The following SPTB variants were observed in gnomAD, a reference collection of about 807,000 sequenced individuals.
SPTB encodes spectrin beta chain, erythrocytic.
A neutral mutation model predicts 256.2 loss-of-function variants in SPTB; 45 were observed. The observed-to-expected ratio is 0.18, with a 90% confidence interval of 0.14 to 0.23. The LOEUF is 0.23. SPTB is among the 10% of genes least tolerant of loss of function. SPTB has a pLI of 1.00. For synonymous variants in SPTB, 1,231 were observed against 1,243.1 expected (o/e 0.99, Z 0.21); for missense variants, 2,715 against 3,040.4 (o/e 0.89, Z 2.52).
chr14:64,771,024 C>T lies in SPTB; in HGVS notation c.5659G>A (p.Ala1887Thr). Reference protein sequence around the residue: ...KEQEVSAAWQALLDACAGRRT... With the variant: ...KEQEVSAAWQTLLDACAGRRT... The stretch of plus-strand genomic sequence containing the variant: ...CGCCCGGCACAGGCATCGAGCAGCG[C>T]CTGCCACGCGGCAGACACCTCCTGC... The change falls in exon 27 of 36, where the codon GCG (alanine) becomes ACG (threonine). Residue 1887 changes from alanine to threonine, a missense_variant. Ala to Thr is a moderately conservative substitution (Grantham distance 58, BLOSUM62 0). Coordinates refer to ENST00000644917, the MANE Select transcript of SPTB (RefSeq NM_001355436.2). 1 of 1,614,178 alleles carries T rather than the reference C, an allele frequency of 6.2e-7. No individual in the cohort carries two copies. Among genetic ancestry groups the T allele is most frequent in the Non-Finnish European group, 8.5e-7 (1 of 1,180,050 alleles).
rs565885364 is a variant in SPTB at position 64,765,025 on chromosome 14, C to CGTGTGTGTGTGTGTGTGT, written c.6345+1700_6345+1701insACACACACACACACACAC. 8.1e-3 allele frequency among the ~76,000 whole-genome samples: 962 copies of CGTGTGTGTGTGTGTGTGT among 118,288 alleles called. 8 individuals are homozygous for CGTGTGTGTGTGTGTGTGT. Among genetic ancestry groups the CGTGTGTGTGTGTGTGTGT allele is most frequent in the Non-Finnish European group, 0.012 (700 of 58,608 alleles). 77.6% of individuals were successfully genotyped at this position (118,288 alleles called of 152,430 possible). On this transcript the variant is annotated intron_variant, in intron 32 of 35. Coordinates refer to ENST00000644917, the MANE Select transcript of SPTB (RefSeq NM_001355436.2). ...GCTGGAGGCCACAGAGGAGTGTGTG[C>CGTGTGTGTGTGTGTGTGT]GTGTGTGTGTGTGTGTGCGCGCGCG...
chr14:64,849,828 A>T (rs1025543368), intron 1 of SPTB, among the ~76,000 whole-genome samples: 3 of 152,240 alleles, frequency 2.0e-5, no homozygotes, highest in Non-Finnish European at 4.4e-5. Flanking sequence ...AGCAAGGAGT[A>T]CCTGAGTGCT....
At chr14:64,763,455 G>T (rs1227518400) in intron 32 of SPTB, among the ~76,000 whole-genome samples, 1 of 152,238 alleles carries the variant, frequency 6.6e-6, no homozygotes, top group Non-Finnish European at 1.5e-5. Flanking sequence ...CCTGAGACCA[G>T]CCAGGTACCA....
intron 8 of SPTB, 127 bp downstream of exon 8, chr14:64,800,629 C>CT (rs530557580): frequency 8.4e-6 from 7 of 830,526 alleles, no homozygotes; most frequent in Non-Finnish European, 1.2e-5. Flanking sequence ...CCAAGGTCAG[C>CT]TTTAGAGGAA....
chr14:64,822,370 T>TCACACACACACACACACA (rs2083305230), intron 2 of SPTB, among the ~76,000 whole-genome samples: 14 of 1,450 alleles, frequency 9.7e-3, no homozygotes, highest in Non-Finnish European at 0.022. Flanking sequence ...TCTCTCTCTC[T>TCACACACACACACACACA]CTCTCACACA....
In SPTB at chr14:64,784,362, G is replaced by A; in HGVS notation, c.3887C>T (p.Thr1296Ile). The change falls in exon 19 of 36, where the codon ACA becomes ATA. Residue 1296 changes from threonine to isoleucine, a missense_variant. Thr to Ile is a moderately conservative substitution (Grantham distance 89). Around this residue, in one of 4 missense-constraint regions of SPTB, gnomAD observed 2,239 missense variants for 2,384.4 expected, o/e 0.94. Coordinates refer to ENST00000644917, the MANE Select transcript of SPTB (RefSeq NM_001355436.2). ...TTCATCATAGGAGACATCCTGAGAT[G>A]TCAGCAGCTTGTCGTTGATCCAGAG... ...LTLWINDKLL[T>I]SQDVSYDEAR... The A allele has an allele frequency of 6.2e-7, 1 of 1,614,242 alleles. No homozygotes were observed. The highest frequency in any genetic ancestry group is 8.5e-7 in the Non-Finnish European group (1 of 1,180,046).
At chr14:64,838,230 C>T (rs1424338400) in intron 1 of SPTB, among the ~76,000 whole-genome samples, 1 of 152,088 alleles carries the variant, frequency 6.6e-6, no homozygotes. Flanking sequence ...TGAACCTTGA[C>T]CCATACCACA....
In SPTB at chr14:64,793,933, T is replaced by C; in HGVS notation, c.1796-66A>G. On this transcript the variant is annotated intron_variant, in intron 13 of 35. Coordinates refer to ENST00000644917, the MANE Select transcript of SPTB (RefSeq NM_001355436.2). The surrounding 1 kb of genome is among the most constrained non-coding windows in gnomAD (Gnocchi z 7.0). Reference sequence around the variant, plus strand: ...GCTTCATTTATGGGCACGCTTCAGATAAGCTGCTAGGTTGGAACTACACAA... The same window carrying C: ...GCTTCATTTATGGGCACGCTTCAGACAAGCTGCTAGGTTGGAACTACACAA... 1 of 1,527,154 alleles carries C rather than the reference T, an allele frequency of 6.5e-7. No homozygotes were observed. Among genetic ancestry groups the C allele is most frequent in the Non-Finnish European group, 8.8e-7 (1 of 1,139,446 alleles). The allele number at this position is 1,527,154 out of a possible 1,614,324, so 94.6% of individuals were successfully genotyped here. A position where few individuals can be genotyped will look rare whatever the true frequency, so the allele number is the denominator to read the frequency against.
chr14:64,836,795 T>C (rs1455215722), intron 1 of SPTB, among the ~76,000 whole-genome samples: 3 of 152,230 alleles, frequency 2.0e-5, no homozygotes, highest in African/African-American at 7.2e-5. Context: ...TAGTACATGT[T>C]AATTGGATGG....
intron 20 of SPTB, among the ~76,000 whole-genome samples, chr14:64,781,329 A>C (rs556766729): frequency 1.3e-5 from 2 of 152,362 alleles, no homozygotes; most frequent in South Asian, 4.1e-4. Flanking sequence ...TGAATCTGAC[A>C]AGGGTCTAAT....
chr14:64,791,977 T>C, intron 14 of SPTB, 121 bp from the exon 15 acceptor site: 1 of 1,353,614 alleles, frequency 7.4e-7, no homozygotes, highest in Admixed American at 1.9e-5. Flanking sequence ...GCCTAAACCA[T>C]TTGCCCAGGT....
intron 33 of SPTB, among the ~76,000 whole-genome samples, chr14:64,750,900 T>C (rs1347823234): frequency 6.9e-6 from 1 of 145,824 alleles, no homozygotes. Context: ...ATATGAAATA[T>C]ATAAATATAT....
intron 1 of SPTB, among the ~76,000 whole-genome samples, chr14:64,876,973 T>C (rs1882854581): frequency 6.6e-6 from 1 of 152,132 alleles, no homozygotes; most frequent in Non-Finnish European, 1.5e-5. Context: ...GGTCTTGCCT[T>C]TAAGCCAGTA....
chr14:64,839,111 G>A (rs181468402), intron 1 of SPTB, among the ~76,000 whole-genome samples: 6 of 152,048 alleles, frequency 3.9e-5, no homozygotes, highest in Non-Finnish European at 5.9e-5. Flanking sequence ...CAGCCTGGGC[G>A]ACACGAGTGA....
chr14:64,801,566 A>T (rs2082886651), intron 6 of SPTB, among the ~76,000 whole-genome samples, 166 bp from the exon 7 acceptor site: 2 of 152,064 alleles, frequency 1.3e-5, no homozygotes, highest in Admixed American at 1.3e-4. Context: ...GAGCCTTGGC[A>T]TATGAGGGAA....
Position 64,750,001 on chromosome 14 carries a change from C to CTT in SPTB, c.6754_6755dup (p.Lys2253ArgfsTer7). On this transcript the variant is annotated frameshift_variant, in exon 34 of 36. Coordinates refer to ENST00000644917, the MANE Select transcript of SPTB (RefSeq NM_001355436.2). LOFTEE classifies it high-confidence loss of function. Reference sequence around the variant, plus strand: ...CTCACCTCAGCTTAAAGACGTGCTTCTTCTTCTTGTAGTTGGCAGCAATCT... The same window carrying CTT: ...CTCACCTCAGCTTAAAGACGTGCTTCTTTTCTTCTTGTAGTTGGCAGCAATCT... The CTT allele has an allele frequency of 6.2e-7, 1 of 1,614,158 alleles. No homozygotes were observed. Among genetic ancestry groups the CTT allele is most frequent in the Non-Finnish European group, 8.5e-7 (1 of 1,179,978 alleles).
chr14:64,849,022 A>G lies in SPTB; in HGVS notation c.-51-25877T>C, dbSNP rs533513081. Among the ~76,000 whole-genome samples the G allele has an allele frequency of 5.9e-5, 9 of 152,362 alleles. No individual in the cohort carries two copies. In the South Asian group the frequency reaches 1.2e-3, roughly 21 times the overall value. On this transcript the variant is annotated intron_variant, in intron 1 of 35. Coordinates refer to ENST00000644917, the MANE Select transcript of SPTB (RefSeq NM_001355436.2). The stretch of plus-strand genomic sequence containing the variant: ...CTTATTTGCAACTATTCTCCCCAAA[A>G]GCTCTGAAAGAAGATTTTTTTAAAT...
intron 1 of SPTB, among the ~76,000 whole-genome samples, chr14:64,850,812 T>C (rs1217713250): frequency 6.6e-6 from 1 of 152,234 alleles, no homozygotes; most frequent in African/African-American, 2.4e-5. Context: ...CTTTTCATTC[T>C]GTCAAACTCT....
intron 1 of SPTB, among the ~76,000 whole-genome samples, chr14:64,851,029 C>A (rs765484812): frequency 2.0e-5 from 3 of 152,172 alleles, no homozygotes; most frequent in Non-Finnish European, 2.9e-5. Context: ...AGGTAACAGC[C>A]CAGATTATAC....
Sources: gnomAD v4.1 joint callset for allele counts (sites outside exome capture counted in the v4.1 genomes callset) on GRCh38, gnomAD v4.1.1 for gene constraint, gnomAD v4.1.1 regional missense constraint, Gnocchi (gnomAD v3.1) non-coding constraint, MANE v1.5 for transcripts, NCBI Gene and HGNC (gene_info 2026-07-23, HGNC 2026-07-21) for gene names.